VWF: variants seen among roughly 807,000 people sequenced by gnomAD.
The protein encoded by VWF is von Willebrand factor, also known as Factor VIII related antigen.
A neutral mutation model predicts 308.6 loss-of-function variants in VWF; 176 were observed. The ratio of observed to expected loss-of-function variants is 0.57; its 90% CI spans 0.50 to 0.65. The LOEUF (loss-of-function observed/expected upper bound fraction) is 0.65. VWF is among the 30% of genes least tolerant of loss of function. The pLI, the probability that VWF is intolerant of heterozygous loss-of-function variation, is 0.00. For synonymous variants in VWF, 1,385 were observed against 1,443.4 expected (o/e 0.96, Z 0.92); for missense variants, 3,146 against 3,648.2 (o/e 0.86, Z 3.55).
rs62643640 is a variant in VWF at position 5,976,248 on chromosome 12, G to T, written c.7300C>A (p.Arg2434=). Residue 2434 remains arginine (R), a synonymous_variant, in exon 43 of 52, where the codon CGA becomes AGA. Coordinates refer to ENST00000261405, the MANE Select transcript of VWF (RefSeq NM_000552.5). ...TGGCCCACAGGGTAGATGGTGCTTC[G>T]GTGGACACACACCTGTAGACATAAG... ...TCLPDKVCVH[R]STIYPVGQFW... 4.3e-6 allele frequency: 7 copies of T among 1,613,958 alleles called. No individual in the cohort carries two copies. The highest frequency in any genetic ancestry group is 5.9e-6 in the Non-Finnish European group (7 of 1,180,020).
chr12:6,015,851 A>T (rs1343654681), intron 31 of VWF, among the ~76,000 whole-genome samples: 3 of 152,220 alleles, frequency 2.0e-5, no homozygotes, highest in Non-Finnish European at 2.9e-5. Context: ...AATGTGGAGA[A>T]ATTAAAGATT....
intron 25 of VWF, among the ~76,000 whole-genome samples, 169 bp downstream of exon 25, chr12:6,023,462 C>T (rs1191688987): frequency 1.3e-5 from 2 of 152,220 alleles, no homozygotes; most frequent in East Asian, 3.8e-4. Context: ...ATATAAACTT[C>T]TTACACAGCC....
At chr12:6,017,137 A>G (rs1223973409) in intron 28 of VWF, among the ~76,000 whole-genome samples, 1 of 152,250 alleles carries the variant, frequency 6.6e-6, no homozygotes. Flanking sequence ...AATGTCTACA[A>G]ATAAAAGCAG....
chr12:6,108,154 C>T (rs1451790948), intron 5 of VWF, among the ~76,000 whole-genome samples: 1 of 151,594 alleles, frequency 6.6e-6, no homozygotes, highest in African/African-American at 2.4e-5. Context: ...ATTAGCCAGG[C>T]GTGGTGACAC....
At chr12:6,079,241 C>G (rs1214170912) in intron 6 of VWF, among the ~76,000 whole-genome samples, 1 of 152,210 alleles carries the variant, frequency 6.6e-6, no homozygotes, top group Non-Finnish European at 1.5e-5. Flanking sequence ...GCTATCTCTG[C>G]TGCTCCCAGC....
intron 34 of VWF, among the ~76,000 whole-genome samples, chr12:5,998,498 A>AATATATATATATATATAT (rs1428821953): frequency 9.7e-5 from 3 of 30,952 alleles, no homozygotes; most frequent in African/African-American, 4.9e-4. Flanking sequence ...AAAAAAAAAA[A>AATATATATATATATATAT]ATATATATAT....
At chr12:6,017,930 A>C (rs1944080866) in intron 28 of VWF, among the ~76,000 whole-genome samples, 1 of 152,062 alleles carries the variant, frequency 6.6e-6, no homozygotes, top group South Asian at 2.1e-4. Context: ...AATGTCAGCT[A>C]CTCGGAATAA....
chr12:5,974,350 A>C (rs1417691335), intron 43 of VWF, among the ~76,000 whole-genome samples: 1 of 152,080 alleles, frequency 6.6e-6, no homozygotes, highest in African/African-American at 2.4e-5. Flanking sequence ...AGGGCACTCG[A>C]TTCCCTAGAG....
chr12:6,122,116 CTGTT>C (rs2136536509), intron 2 of VWF, among the ~76,000 whole-genome samples: 1 of 152,236 alleles, frequency 6.6e-6, no homozygotes, highest in African/African-American at 2.4e-5. Flanking sequence ...CCTATAACCT[CTGTT>C]TATTTCTCAA....
intron 10 of VWF, among the ~76,000 whole-genome samples, chr12:6,068,445 T>C (rs1455708107): frequency 3.3e-5 from 5 of 151,898 alleles, no homozygotes; most frequent in Non-Finnish European, 5.9e-5. Flanking sequence ...GCCTGCAACA[T>C]AATCTCTACC....
At chr12:6,099,651 C>T (rs1447454554) in intron 5 of VWF, among the ~76,000 whole-genome samples, 2 of 152,070 alleles carry the variant, frequency 1.3e-5, no homozygotes. Context: ...AAGGGATTCC[C>T]TATTTAATAA....
At chr12:6,047,669 C>T (rs1320998737) in intron 16 of VWF, among the ~76,000 whole-genome samples, 1 of 152,220 alleles carries the variant, frequency 6.6e-6, no homozygotes, top group Non-Finnish European at 1.5e-5. Flanking sequence ...TCTGTGGTTG[C>T]TTTGTATGTA....
chr12:5,968,324 C>G (rs577026698), intron 45 of VWF, 157 bp from the exon 46 acceptor site: 2 of 809,594 alleles, frequency 2.5e-6, no homozygotes, highest in Non-Finnish European at 3.9e-6. Flanking sequence ...CGCTGGGGGT[C>G]CTACTGCTGG....
chr12:5,956,109 G>A (rs1311388727), intron 47 of VWF, among the ~76,000 whole-genome samples: 2 of 152,052 alleles, frequency 1.3e-5, no homozygotes, highest in Non-Finnish European at 2.9e-5. Flanking sequence ...CTATCACCTG[G>A]TGACTTCATA....
intron 5 of VWF, among the ~76,000 whole-genome samples, chr12:6,102,004 C>T (rs1209373975): frequency 6.6e-6 from 1 of 151,904 alleles, no homozygotes; most frequent in African/African-American, 2.4e-5. Context: ...TGGGGGAGGG[C>T]GGAATTTTCT....
intron 27 of VWF, chr12:6,021,460 T>C (rs1240302666): frequency 5.7e-6 from 1 of 176,262 alleles, no homozygotes; most frequent in Non-Finnish European, 1.2e-5. Flanking sequence ...ACCTTGACTA[T>C]GGCCCCCACG....
intron 13 of VWF, among the ~76,000 whole-genome samples, chr12:6,059,018 G>T (rs1253150259): frequency 6.6e-6 from 1 of 152,160 alleles, no homozygotes; most frequent in Admixed American, 6.5e-5. Flanking sequence ...AGGGGCTAGG[G>T]TCAGCTCTTA....
chr12:6,095,267 C>A, intron 6 of VWF, 193 bp downstream of exon 6: 1 of 803,398 alleles, frequency 1.2e-6, no homozygotes, highest in South Asian at 1.5e-5. Context: ...AAGTCATTAG[C>A]CCAGACTCAT....
At chr12:5,966,944 C>T (rs761473584) in intron 47 of VWF, among the ~76,000 whole-genome samples, 17 of 152,310 alleles carry the variant, frequency 1.1e-4, no homozygotes, top group South Asian at 4.1e-4. Context: ...AAACTAGGAA[C>T]GAGGAGTCCA....
Sources: allele counts gnomAD v4.1 joint callset (sites outside exome capture counted in the v4.1 genomes callset), GRCh38; gene constraint gnomAD v4.1.1; transcripts MANE v1.5; gene names NCBI Gene and HGNC (gene_info 2026-07-23, HGNC 2026-07-21).